GPR155: variants seen among roughly 807,000 people sequenced by gnomAD.
GPR155 encodes G protein-coupled receptor 155, also known as lysosomal cholesterol signaling protein.
GPR155 carries 65 observed loss-of-function variants against 93.1 expected under a neutral mutation model. The observed-to-expected ratio is 0.70, with a 90% CI of 0.57 to 0.86. GPR155 has a LOEUF of 0.86. GPR155 is among the 40% of genes least tolerant of loss of function. GPR155 has a pLI of 0.00. For missense variants in GPR155, 838 were observed against 1,034.8 expected (o/e 0.81, Z 2.61); for synonymous variants, 319 against 360.1 (o/e 0.89, Z 1.29).
At chr2:174,470,727 A>T (rs759476366) in intron 3 of GPR155, among the ~76,000 whole-genome samples, 172 bp from the exon 4 acceptor site, 6 of 152,194 alleles carry the variant, frequency 3.9e-5, no homozygotes, top group Non-Finnish European at 5.9e-5. Context: ...AAAAATCAAG[A>T]ATTCAACTTG....
intron 2 of GPR155, 75 bp from the exon 3 acceptor site, chr2:174,473,439 T>G (rs868279733): frequency 5.1e-6 from 5 of 988,650 alleles, no homozygotes; most frequent in Non-Finnish European, 6.0e-6. Flanking sequence ...TAACATTTTC[T>G]GTACTTTATA....
rs1157706107 is a variant in GPR155, at chr2:174,481,553, C to A, written c.404G>T (p.Gly135Val). The A allele has an allele frequency of 6.2e-7, 1 of 1,612,922 alleles. No individual in the cohort carries two copies. The highest frequency in any genetic ancestry group is 8.5e-7 in the Non-Finnish European group (1 of 1,179,828). The change falls in exon 2 of 16, where the codon GGA becomes GTA. Residue 135 changes from glycine (G) to valine (V), a missense_variant. Transcript: ENST00000392552. The part of the protein sequence containing the change: ...ASPDSRFSKA[G>V]LFPIFATQSN... ...TTGTGTAGCAAAAATAGGGAATAGT[C>A]CAGCTTTGCTAAATCGACTATCAGG...
rs774258296 is a variant in GPR155 at position 174,456,819 on chromosome 2, AG to A, written c.1772-2979del. Among the ~76,000 whole-genome samples, 15 of 152,332 alleles carry A rather than the reference AG, an allele frequency of 9.8e-5. No individual in the cohort carries two copies. The East Asian group carries it at 2.7e-3, about 27-fold the overall frequency. ...AGTGCAAGAAGACAACTACAGTATA[AG>A]ATTTATATAAAAATGTAAAAGCATA... On this transcript the variant is annotated intron_variant, in intron 10 of 15. Transcript: ENST00000392552.
intron 13 of GPR155, among the ~76,000 whole-genome samples, chr2:174,443,993 TAG>T (rs1206077937): frequency 2.6e-5 from 4 of 152,320 alleles, no homozygotes; most frequent in African/African-American, 7.2e-5. Context: ...TGGCACATAG[TAG>T]ACTATCAAGG....
At chr2:174,478,545 A>G (rs1300147470) in intron 2 of GPR155, among the ~76,000 whole-genome samples, 2 of 152,204 alleles carry the variant, frequency 1.3e-5, no homozygotes, top group Non-Finnish European at 2.9e-5. Flanking sequence ...AACATGCACT[A>G]TTCTGTTACT....
Position 174,461,396 on chromosome 2 carries a change from T to C in GPR155, c.1560+6A>G, listed in dbSNP as rs951959586. ...AAGAACAGAACTGCCAGTAAACTCTTCCCACCTGTTCTTTTCCATAAAAGA... is the reference window on the plus strand; with the variant it reads ...AAGAACAGAACTGCCAGTAAACTCTCCCCACCTGTTCTTTTCCATAAAAGA... On this transcript the variant is annotated splice_donor_region_variant and intron_variant, in intron 9 of 15. Coordinates refer to ENST00000392552, the MANE Select transcript of GPR155 (RefSeq NM_152529.7). The C allele has an allele frequency of 3.1e-6, 5 of 1,589,822 alleles. No individual in the cohort carries two copies. In the African/African-American group the frequency reaches 6.7e-5, roughly 21 times the overall value.
At chr2:174,466,774 C>CA in intron 5 of GPR155, 147 bp from the exon 6 acceptor site, 1 of 549,816 alleles carries the variant, frequency 1.8e-6, no homozygotes, top group East Asian at 3.2e-5. Flanking sequence ...TGTCTAGTTC[C>CA]AAAAAGGTAA....
chr2:174,451,877 G>A lies in GPR155; in HGVS notation c.1876+1860C>T, dbSNP rs143632215. Among the ~76,000 whole-genome samples, 35 of 152,220 alleles carry A rather than the reference G, an allele frequency of 2.3e-4. No individual in the cohort carries two copies. The East Asian group carries it at 6.7e-3, about 29-fold the overall frequency. On this transcript the variant is annotated intron_variant, in intron 11 of 15. Coordinates refer to ENST00000392552, the MANE Select transcript of GPR155 (RefSeq NM_152529.7). ...GCCCAGGCTGGTCTTGAACTCCTGG[G>A]CTCAAGCACGATCCTCTTGCCTTTG...
intron 10 of GPR155, among the ~76,000 whole-genome samples, chr2:174,457,515 G>A (rs1350976300): frequency 1.3e-5 from 2 of 152,134 alleles, no homozygotes; most frequent in Admixed American, 1.3e-4. Context: ...GGAATGCAGT[G>A]GCACGATCTC....
chr2:174,471,981 A>G (rs1688011819), intron 3 of GPR155, among the ~76,000 whole-genome samples: 1 of 152,224 alleles, frequency 6.6e-6, no homozygotes, highest in Non-Finnish European at 1.5e-5. Context: ...ATAACTGTCT[A>G]TACATGAGGG....
chr2:174,474,063 G>A (rs1483026217), intron 2 of GPR155, among the ~76,000 whole-genome samples: 2 of 152,196 alleles, frequency 1.3e-5, no homozygotes, highest in Middle Eastern at 3.2e-3. Flanking sequence ...GGAGGTCAAG[G>A]AAATGACAGG....
Position 174,469,011 on chromosome 2 carries a change from A to G in GPR155, c.1083T>C (p.Ser361=). The G allele has an allele frequency of 6.2e-7, 1 of 1,614,100 alleles. No individual in the cohort carries two copies. Among genetic ancestry groups the G allele is most frequent in the Non-Finnish European group, 8.5e-7 (1 of 1,179,922 alleles). ...TAGTGGGAAAGGTCAGTAACCAGGC[A>G]GAAACGTACATGATGGGAGCAGACA... The part of the protein sequence containing the change: ...TFVSAPIMYV[S]AWLLTFPTMD... Residue 361 remains serine (S), a synonymous_variant, in exon 5 of 16, where the codon TCT becomes TCC. Coordinates refer to ENST00000392552, the MANE Select transcript of GPR155 (RefSeq NM_152529.7).
At position 174,435,246 on chromosome 2, in the gene GPR155, G is replaced by A. The variant is rs1296177163; in HGVS notation, c.*870C>T. ...TCCACATCCATAGATTCAATCAACC[G>A]CAGATAAAAAGATGTAGTCAGGCTT... On this transcript the variant is annotated 3_prime_UTR_variant, in exon 16 of 16. Transcript: ENST00000392552. 1 of 152,104 alleles carries A rather than the reference G, an allele frequency of 6.6e-6. No homozygotes were observed. The highest frequency in any genetic ancestry group is 2.4e-5 in the African/African-American group (1 of 41,414). 9.4% of individuals were successfully genotyped at this position (152,104 alleles called of 1,614,324 possible). A position where few individuals can be genotyped will look rare whatever the true frequency, so the allele number is the denominator to read the frequency against.
intron 13 of GPR155, among the ~76,000 whole-genome samples, chr2:174,442,946 G>C (rs1359629590): frequency 6.6e-6 from 1 of 152,208 alleles, no homozygotes; most frequent in Non-Finnish European, 1.5e-5. Context: ...TCGGCCTTAA[G>C]TTGTGGGGCA....
chr2:174,485,733 A>G (rs1688459721), intron 1 of GPR155, among the ~76,000 whole-genome samples: 1 of 152,142 alleles, frequency 6.6e-6, no homozygotes, highest in Non-Finnish European at 1.5e-5. Flanking sequence ...TTTCATCCTA[A>G]TCTTTTTTAA....
intron 2 of GPR155, among the ~76,000 whole-genome samples, chr2:174,479,093 C>T (rs757275239): frequency 6.6e-6 from 1 of 152,094 alleles, no homozygotes; most frequent in African/African-American, 2.4e-5. Context: ...AAAAATTATA[C>T]CTCGAAATCA....
At chr2:174,468,754 A>T (rs556694814) in intron 5 of GPR155, among the ~76,000 whole-genome samples, 158 bp downstream of exon 5, 1 of 152,384 alleles carries the variant, frequency 6.6e-6, no homozygotes, top group East Asian at 1.9e-4. Flanking sequence ...ATAGAAAAAC[A>T]AAACTCAGTT....
At chr2:174,449,550 A>G (rs1248279826) in intron 11 of GPR155, among the ~76,000 whole-genome samples, 1 of 152,258 alleles carries the variant, frequency 6.6e-6, no homozygotes, top group Non-Finnish European at 1.5e-5. Context: ...GTAGCCATAA[A>G]AAGAATGAAA....
intron 1 of GPR155, among the ~76,000 whole-genome samples, chr2:174,482,541 C>A (rs781755644): frequency 6.6e-6 from 1 of 152,188 alleles, no homozygotes; most frequent in Non-Finnish European, 1.5e-5. Flanking sequence ...TACTAATCAA[C>A]TTTAAACCAA....
Sources: allele counts gnomAD v4.1 joint callset (sites outside exome capture counted in the v4.1 genomes callset), GRCh38; gene constraint gnomAD v4.1.1; transcripts MANE v1.5; gene names NCBI Gene and HGNC (gene_info 2026-07-23, HGNC 2026-07-21).